Variants in VCL observed in about 807,000 individuals in gnomAD.
VCL encodes epididymis luminal protein 114.
In VCL, 47 loss-of-function variants were observed where a neutral mutation model predicts 125.7. That is an observed-to-expected ratio of 0.37 (90% confidence interval 0.30 to 0.48). The LOEUF (loss-of-function observed/expected upper bound fraction) is 0.48, where lower values mean the gene tolerates loss of function less well. Ranked by LOEUF, VCL falls within the 20% of genes least tolerant of loss-of-function variation. VCL has a pLI of 0.99. For missense variants in VCL, 1,069 were observed against 1,455.5 expected (o/e 0.73, Z 4.32); for synonymous variants, 458 against 514.6 (o/e 0.89, Z 1.49).
intron 2 of VCL, among the ~76,000 whole-genome samples, chr10:74,059,346 A>G (rs538209609): frequency 2.8e-4 from 42 of 148,108 alleles, no homozygotes; most frequent in African/African-American, 1.0e-3. Context: ...ACAGAGCAAG[A>G]CTCCACTTCG....
chr10:74,111,865 A>C lies in VCL; in HGVS notation c.2746-44A>C, dbSNP rs752781008. On this transcript the variant is annotated intron_variant, in intron 18 of 21. Transcript: ENST00000211998. ...CAGTTTCCCAAGTCGTATTGCTCTTACTAACACTATCCCTATTTCTCATCC... is the reference window on the plus strand; with the variant it reads ...CAGTTTCCCAAGTCGTATTGCTCTTCCTAACACTATCCCTATTTCTCATCC... 18 of 1,611,250 alleles carry C rather than the reference A, an allele frequency of 1.1e-5. No individual in the cohort carries two copies. The African/African-American group carries it at 2.0e-4, about 18-fold the overall frequency.
At chr10:74,063,209 TTGAA>T (rs1000915065) in intron 2 of VCL, among the ~76,000 whole-genome samples, 19 of 152,352 alleles carry the variant, frequency 1.2e-4, no homozygotes, top group Non-Finnish European at 2.5e-4. Context: ...GAGGTTGGTT[TTGAA>T]TGATTGACTT....
At chr10:74,030,137 G>T (rs570152900) in intron 1 of VCL, among the ~76,000 whole-genome samples, 2 of 152,268 alleles carry the variant, frequency 1.3e-5, no homozygotes, top group African/African-American at 4.8e-5. Context: ...AGCCAAATAG[G>T]CAATGAGTGA....
At chr10:74,091,742 T>C (rs1253322909) in intron 10 of VCL, among the ~76,000 whole-genome samples, 1 of 134,398 alleles carries the variant, frequency 7.4e-6, no homozygotes, top group African/African-American at 2.7e-5. Context: ...TGAGCTGAGA[T>C]TGTGCCGCTG....
chr10:74,093,139 A>G (rs1449189028), intron 10 of VCL, among the ~76,000 whole-genome samples: 1 of 152,178 alleles, frequency 6.6e-6, no homozygotes, highest in Non-Finnish European at 1.5e-5. Context: ...TCTACTAAAA[A>G]TAGAGAAATT....
At chr10:74,020,860 A>AAAAAAC (rs1840649669) in intron 1 of VCL, among the ~76,000 whole-genome samples, 1 of 150,980 alleles carries the variant, frequency 6.6e-6, no homozygotes, top group African/African-American at 2.4e-5. Context: ...AAAAAAAAAA[A>AAAAAAC]AGAGAGCGAG....
intron 10 of VCL, among the ~76,000 whole-genome samples, chr10:74,093,846 C>A (rs369015478): frequency 1.6e-4 from 24 of 152,188 alleles, no homozygotes; most frequent in Middle Eastern, 6.8e-3. Flanking sequence ...TGTAACAGTA[C>A]CTGGCAGAAT....
chr10:74,082,001 T>C (rs1839683699), intron 6 of VCL, among the ~76,000 whole-genome samples: 1 of 152,198 alleles, frequency 6.6e-6, no homozygotes, highest in Non-Finnish European at 1.5e-5. Context: ...AGTGTGTGCA[T>C]TTCAAAACAA....
intron 1 of VCL, among the ~76,000 whole-genome samples, chr10:74,017,709 C>T (rs1457964001): frequency 1.4e-5 from 2 of 142,590 alleles, no homozygotes; most frequent in Non-Finnish European, 3.2e-5. Flanking sequence ...GTGCATGCCA[C>T]CATGTCTGGC....
At position 74,089,201 on chromosome 10, in the gene VCL, A is replaced by G; in HGVS notation, c.1028A>G (p.Gln343Arg). Residue 343 changes from glutamine (Q) to arginine (R), a missense_variant, in exon 9 of 22, where the codon CAA (glutamine) becomes CGA (arginine). Transcript: ENST00000211998. ...DQVADLRARG[Q>R]GSSPVAMQKA... ...CATGTGTCTGTTTTGAGCAGAGGAC[A>G]AGGATCCTCACCGGTGGCCATGCAG... 1 of 1,614,050 alleles carries G rather than the reference A, an allele frequency of 6.2e-7. No individual in the cohort carries two copies. Among genetic ancestry groups the G allele is most frequent in the East Asian group, 2.2e-5 (1 of 44,882 alleles).
At chr10:74,041,365 A>AT in intron 1 of VCL, among the ~76,000 whole-genome samples, 1 of 152,266 alleles carries the variant, frequency 6.6e-6, no homozygotes, top group Admixed American at 6.5e-5. Flanking sequence ...TTACTCTTAT[A>AT]TTTTATAATA....
At chr10:74,050,772 T>A (rs1198989991) in intron 2 of VCL, among the ~76,000 whole-genome samples, 1 of 152,220 alleles carries the variant, frequency 6.6e-6, no homozygotes, top group East Asian at 1.9e-4. Context: ...TGCTACAGTA[T>A]TAGAAGATTT....
chr10:74,098,800 TG>T (rs545450299), intron 13 of VCL, among the ~76,000 whole-genome samples: 111 of 152,302 alleles, frequency 7.3e-4, no homozygotes, highest in African/African-American at 2.6e-3. Context: ...TCCCTTAGGC[TG>T]AGATGATTTG....
rs3037358 is a variant in VCL at position 74,109,576 on chromosome 10, C to CTTTTTTTT, written c.2745+422_2745+429dup. On this transcript the variant is annotated intron_variant, in intron 18 of 21. Coordinates refer to ENST00000211998, the MANE Select transcript of VCL (RefSeq NM_014000.3). ...AAGCTAGATGAAATGTTTGCATTTT[C>CTTTTTTTT]TTTTTTTTTCCACAGAAGCAAGTAG... 4.1e-3 allele frequency among the ~76,000 whole-genome samples: 599 copies of CTTTTTTTT among 147,268 alleles called. 7 individuals carry two copies. Among genetic ancestry groups the CTTTTTTTT allele is most frequent in the South Asian group, 0.01 (47 of 4,700 alleles).
chr10:74,017,251 T>A (rs1006328026), intron 1 of VCL, among the ~76,000 whole-genome samples: 3 of 151,106 alleles, frequency 2.0e-5, no homozygotes. Context: ...GTTTCACCGT[T>A]TTAGCCGGGA....
chr10:74,062,815 C>T (rs541194040), intron 2 of VCL, among the ~76,000 whole-genome samples: 2 of 152,210 alleles, frequency 1.3e-5, no homozygotes, highest in East Asian at 1.9e-4. Context: ...CACCTATAAT[C>T]CCAACACTTT....
At chr10:74,108,727 G>A (rs1840175404) in intron 17 of VCL, among the ~76,000 whole-genome samples, 1 of 152,174 alleles carries the variant, frequency 6.6e-6, no homozygotes, top group Non-Finnish European at 1.5e-5. Flanking sequence ...TGACCCACCT[G>A]CCTTGGCCTC....
chr10:74,009,378 C>T (rs1352876826), intron 1 of VCL, among the ~76,000 whole-genome samples: 7 of 152,168 alleles, frequency 4.6e-5, no homozygotes, highest in South Asian at 2.1e-4. Context: ...CCCACCTCAG[C>T]CTCCCGAGTA....
intron 2 of VCL, among the ~76,000 whole-genome samples, chr10:74,061,998 A>G (rs907982298): frequency 6.6e-6 from 1 of 150,992 alleles, no homozygotes; most frequent in African/African-American, 2.4e-5. Context: ...CCTGGGCCCA[A>G]GTGATCCTCC....
Sources: allele counts gnomAD v4.1 joint callset (sites outside exome capture counted in the v4.1 genomes callset), GRCh38; gene constraint gnomAD v4.1.1; transcripts MANE v1.5; gene names NCBI Gene and HGNC (gene_info 2026-07-23, HGNC 2026-07-21).